The following IFT43 variants were observed in gnomAD, a reference collection of about 807,000 sequenced individuals.
IFT43 encodes the protein intraflagellar transport 43.
A neutral mutation model predicts 32.3 loss-of-function variants in IFT43; 33 were observed. That is an observed-to-expected ratio of 1.02 (90% CI 0.77 to 1.37). The LOEUF is 1.37. IFT43 is among the 40% of genes most tolerant of loss of function. IFT43 has a pLI of 0.00. For synonymous variants in IFT43, 93 were observed against 98.2 expected (o/e 0.95, Z 0.31); for missense variants, 274 against 265.9 (o/e 1.03, Z -0.21).
At position 76,082,021 on chromosome 14, in the gene IFT43, G is replaced by A. The variant is rs75942172; in HGVS notation, c.296-274G>A. 0.012 allele frequency among the ~76,000 whole-genome samples: 1,792 copies of A among 152,158 alleles called. 25 individuals are homozygous for A. Among genetic ancestry groups the A allele is most frequent in the African/African-American group, 0.038 (1,572 of 41,480 alleles). On this transcript the variant is annotated intron_variant, in intron 5 of 8. Coordinates refer to ENST00000314067, the MANE Select transcript of IFT43 (RefSeq NM_001102564.3). ...CAGTGGCTTCTAACCTGTTGCACGCGTCAGAATCACCAAGGAACGCCTGGG... is the reference window on the plus strand; with the variant it reads ...CAGTGGCTTCTAACCTGTTGCACGCATCAGAATCACCAAGGAACGCCTGGG...
chr14:76,033,287 G>T (rs1040061009), intron 3 of IFT43, among the ~76,000 whole-genome samples: 3 of 152,164 alleles, frequency 2.0e-5, no homozygotes, highest in African/African-American at 7.2e-5. Flanking sequence ...AATCATGTCT[G>T]CAATATTCGA....
downstream of IFT43, chr14:76,083,991 T>C (rs1294639709): frequency 2.2e-6 from 1 of 458,112 alleles, no homozygotes; most frequent in Non-Finnish European, 4.4e-6. Flanking sequence ...GGGCCCTTTG[T>C]GACCTTAGTG....
chr14:76,003,311 A>G lies in IFT43; in HGVS notation c.147+14334A>G, dbSNP rs190210811. Among the ~76,000 whole-genome samples, 11 of 151,994 alleles carry G rather than the reference A, an allele frequency of 7.2e-5. No homozygotes were observed. The East Asian group carries it at 2.1e-3, about 29-fold the overall frequency. ...AGGATTTAAAATATGCATCCTTATC[A>G]CTGGTTACATAGAGTTAATATTATA... On this transcript the variant is annotated intron_variant, in intron 2 of 8. Coordinates refer to ENST00000314067, the MANE Select transcript of IFT43 (RefSeq NM_001102564.3).
In IFT43 at chr14:76,012,690, A is replaced by G. The variant is rs1243661212; in HGVS notation, c.148-9637A>G. ...GACTCCAGCTTTTAAGAGAGAACAC[A>G]AGAGATGCACTGCCTGAGGACTACC... is the stretch of plus-strand genomic sequence containing the variant. On this transcript the variant is annotated intron_variant, in intron 2 of 8. Coordinates refer to ENST00000314067, the MANE Select transcript of IFT43 (RefSeq NM_001102564.3). 2.6e-5 allele frequency among the ~76,000 whole-genome samples: 4 copies of G among 152,202 alleles called. No individual in the cohort carries two copies. The East Asian group carries it at 5.8e-4, about 22-fold the overall frequency.
At chr14:76,016,249 G>C (rs1024030106) in intron 2 of IFT43, among the ~76,000 whole-genome samples, 1 of 152,030 alleles carries the variant, frequency 6.6e-6, no homozygotes, top group Non-Finnish European at 1.5e-5. Context: ...GAGAGATGGG[G>C]GCTCTGGTTT....
chr14:76,009,134 T>C (rs1178084590), intron 2 of IFT43, among the ~76,000 whole-genome samples: 1 of 152,216 alleles, frequency 6.6e-6, no homozygotes, highest in Non-Finnish European at 1.5e-5. Context: ...GTTCTGTTCT[T>C]TCAAGCCCAT....
chr14:76,043,518 G>T (rs1395247757), intron 3 of IFT43, among the ~76,000 whole-genome samples: 2 of 151,886 alleles, frequency 1.3e-5, no homozygotes, highest in Non-Finnish European at 2.9e-5. Flanking sequence ...CCAGGCTGGA[G>T]TGCAGTGGTG....
At chr14:76,018,984 G>A (rs1009577641) in intron 2 of IFT43, among the ~76,000 whole-genome samples, 3 of 152,048 alleles carry the variant, frequency 2.0e-5, no homozygotes, top group African/African-American at 7.2e-5. Flanking sequence ...TTAGTGAGGA[G>A]TTTAATCCAT....
rs2037553480 is a variant in IFT43, at chr14:76,083,492, C to G, written c.542C>G (p.Thr181Ser). Reference protein sequence around the residue: ...DVGWDWDHLFTEVSSEVLTEW... With the variant: ...DVGWDWDHLFSEVSSEVLTEW... ...GGCTGGGACTGGGACCATCTGTTCA[C>G]TGAGGTGTCCTCAGAGGTCCTCACT... The change falls in exon 9 of 9, where the codon ACT becomes AGT. Residue 181 changes from threonine (T) to serine (S), a missense_variant. Physicochemically the swap from Thr to Ser is moderately conservative, Grantham distance 58. Coordinates refer to ENST00000314067, the MANE Select transcript of IFT43 (RefSeq NM_001102564.3). 6.2e-7 allele frequency: 1 copy of G among 1,614,080 alleles called. No homozygotes were observed. The highest frequency in any genetic ancestry group is 1.1e-5 in the South Asian group (1 of 91,092).
At chr14:76,036,760 A>G (rs183665214) in intron 3 of IFT43, among the ~76,000 whole-genome samples, 5 of 150,458 alleles carry the variant, frequency 3.3e-5, no homozygotes, top group East Asian at 2.0e-4. Context: ...CCACCCCCCT[A>G]TGTTTTCCCA....
At chr14:76,047,435 A>G (rs992179134) in intron 3 of IFT43, among the ~76,000 whole-genome samples, 6 of 152,166 alleles carry the variant, frequency 3.9e-5, no homozygotes, top group African/African-American at 1.4e-4. Flanking sequence ...GAAAGGAAAT[A>G]AAGAAGTCAT....
intron 3 of IFT43, 54 bp downstream of exon 3, chr14:76,022,448 A>G (rs1594823178): frequency 9.8e-7 from 1 of 1,019,856 alleles, no homozygotes; most frequent in Non-Finnish European, 1.5e-6. Flanking sequence ...GGTTGGGGGG[A>G]CTTTGCTCCT....
chr14:76,082,837 G>A, intron 7 of IFT43, 145 bp downstream of exon 7: 1 of 750,880 alleles, frequency 1.3e-6, no homozygotes, highest in South Asian at 1.4e-5. Context: ...TCTGCTGCAG[G>A]TTTTATCATC....
chr14:76,035,965 A>G (rs1338644708), intron 3 of IFT43, among the ~76,000 whole-genome samples: 2 of 152,246 alleles, frequency 1.3e-5, no homozygotes. Context: ...ATATAAGGGC[A>G]CACAGTTATT....
intron 5 of IFT43, among the ~76,000 whole-genome samples, chr14:76,066,322 A>G (rs2037223713): frequency 6.6e-6 from 1 of 152,210 alleles, no homozygotes; most frequent in Admixed American, 6.5e-5. Context: ...TTCTTGTCAG[A>G]GAGCGCTCCT....
intron 3 of IFT43, among the ~76,000 whole-genome samples, chr14:76,057,367 A>G (rs2037038753): frequency 6.6e-6 from 1 of 152,036 alleles, no homozygotes; most frequent in African/African-American, 2.4e-5. Flanking sequence ...AGTAGCTGGG[A>G]TTACAGGTGC....
At chr14:76,047,485 G>A (rs1234345958) in intron 3 of IFT43, among the ~76,000 whole-genome samples, 1 of 152,166 alleles carries the variant, frequency 6.6e-6, no homozygotes, top group Non-Finnish European at 1.5e-5. Flanking sequence ...TTAAGAGCAG[G>A]TTAACTGTTT....
chr14:76,076,496 CT>C, intron 5 of IFT43: 1 of 1,546,550 alleles, frequency 6.5e-7, no homozygotes, highest in South Asian at 1.2e-5. Context: ...TGTTCTCTCC[CT>C]GCTGGAGTTA....
At chr14:76,039,969 T>G (rs529315952) in intron 3 of IFT43, among the ~76,000 whole-genome samples, 2 of 152,334 alleles carry the variant, frequency 1.3e-5, no homozygotes, top group East Asian at 3.9e-4. Context: ...CTTTTCTTTT[T>G]TACAAAAGGG....
Sources: gnomAD v4.1 joint callset for allele counts (sites outside exome capture counted in the v4.1 genomes callset) on GRCh38, gnomAD v4.1.1 for gene constraint, MANE v1.5 for transcripts, NCBI Gene and HGNC (gene_info 2026-07-23, HGNC 2026-07-21) for gene names.